The following POLR2B variants were observed in gnomAD, a reference collection of about 807,000 sequenced individuals.
POLR2B encodes the protein DNA-directed RNA polymerase II subunit RPB2.
In POLR2B, 57 loss-of-function variants were observed where a neutral mutation model predicts 144.6. The ratio of observed to expected loss-of-function variants is 0.39; its 90% CI spans 0.32 to 0.49. POLR2B has a LOEUF of 0.49. Ranked by LOEUF, POLR2B falls within the 20% of genes least tolerant of loss-of-function variation. The pLI is 0.83. For synonymous variants in POLR2B, 442 were observed against 469.8 expected (o/e 0.94, Z 0.77); for missense variants, 595 against 1,467.4 (o/e 0.41, Z 9.71).
At chr4:57,010,278 A>G in intron 10 of POLR2B, 83 bp from the exon 11 acceptor site, 3 of 1,160,152 alleles carry the variant, frequency 2.6e-6, no homozygotes, top group South Asian at 2.8e-5. Flanking sequence ...AGTAGATTAT[A>G]TGTAAAAATA....
intron 7 of POLR2B, among the ~76,000 whole-genome samples, chr4:57,003,257 C>A (rs555103972): frequency 6.6e-6 from 1 of 151,224 alleles, no homozygotes; most frequent in African/African-American, 2.4e-5. Context: ...TAGTGAAACC[C>A]TGTGTCTACT....
chr4:56,992,396 C>A (rs915875783), intron 3 of POLR2B, among the ~76,000 whole-genome samples: 1 of 116,030 alleles, frequency 8.6e-6, no homozygotes, highest in Admixed American at 1.3e-4. Context: ...ACGTGGGAGA[C>A]GGAGGTTGCA....
At chr4:57,011,616 A>AGATTGAGACCATCCTGGC (rs1158254172) in intron 13 of POLR2B, among the ~76,000 whole-genome samples, 1 of 152,126 alleles carries the variant, frequency 6.6e-6, no homozygotes, top group Non-Finnish European at 1.5e-5. Flanking sequence ...CAAGGTCAAG[A>AGATTGAGACCATCCTGGC]GATTGAGACC....
rs374386426 is a variant in POLR2B, at chr4:56,994,525, G to T, written c.356+9G>T. 2.0e-6 allele frequency: 3 copies of T among 1,538,272 alleles called. No homozygotes were observed. Among genetic ancestry groups the T allele is most frequent in the Admixed American group, 1.7e-5 (1 of 59,476 alleles). ...AGATTAAGGAATCTCACGTAAGAAA[G>T]AATTTTTCCTTGTCAGCAGTAGATA... is the stretch of plus-strand genomic sequence containing the variant. On this transcript the variant is annotated intron_variant, in intron 4 of 24. Coordinates refer to ENST00000314595, the MANE Select transcript of POLR2B (RefSeq NM_000938.3).
At chr4:56,987,772 C>T (rs1560471133) in intron 2 of POLR2B, among the ~76,000 whole-genome samples, 2 of 152,066 alleles carry the variant, frequency 1.3e-5, no homozygotes, top group South Asian at 2.1e-4. Context: ...ATCCCAGCTA[C>T]TTGGGAGGCT....
chr4:57,023,671 G>A lies in POLR2B; in HGVS notation c.2776G>A (p.Val926Ile). Residue 926 changes from valine to isoleucine, a missense_variant, in exon 20 of 25, where the codon GTT becomes ATT. Val to Ile is a conservative substitution (Grantham distance 29). This residue lies in a region of POLR2B where 65 missense variants were observed against 282.8 expected (regional missense o/e 0.23). Transcript: ENST00000314595. This position sits in a 1 kb window ranked among gnomAD's most constrained non-coding sequence, Gnocchi z 4.3. ...TTTTATATGAATTTAGGTACGCTCT[G>A]TTAGGATTCCACAGATTGGAGACAA... is the stretch of plus-strand genomic sequence containing the variant. ...YKFCKIRVRS[V>I]RIPQIGDKFA... 6.2e-7 allele frequency: 1 copy of A among 1,613,080 alleles called. No homozygotes were observed. Among genetic ancestry groups the A allele is most frequent in the Non-Finnish European group, 8.5e-7 (1 of 1,179,234 alleles).
chr4:56,981,983 G>A (rs535689382), intron 1 of POLR2B, among the ~76,000 whole-genome samples: 3 of 152,160 alleles, frequency 2.0e-5, no homozygotes, highest in Non-Finnish European at 4.4e-5. Flanking sequence ...GCTTTCTAGC[G>A]ACATCACTTT....
At chr4:56,990,711 C>G in intron 2 of POLR2B, 37 bp from the exon 3 acceptor site, 2 of 1,542,402 alleles carry the variant, frequency 1.3e-6, no homozygotes, top group Non-Finnish European at 8.8e-7. Flanking sequence ...GAAATTATCA[C>G]TGAGTTGCAA....
intron 3 of POLR2B, among the ~76,000 whole-genome samples, chr4:56,993,402 A>T (rs944187343): frequency 6.6e-6 from 1 of 152,242 alleles, no homozygotes; most frequent in Non-Finnish European, 1.5e-5. Context: ...AGACTAGATG[A>T]TGGCACAGAT....
Position 56,986,355 on chromosome 4 carries a change from T to TA in POLR2B, c.22dup (p.Met8AsnfsTer4), listed in dbSNP as rs764894651. The TA allele has an allele frequency of 6.2e-7, 1 of 1,600,236 alleles. No homozygotes were observed. On this transcript the variant is annotated frameshift_variant and splice_region_variant, in exon 2 of 25. Coordinates refer to ENST00000314595, the MANE Select transcript of POLR2B (RefSeq NM_000938.3). LOFTEE classifies it high-confidence loss of function. ...AGTACAATATTTTTGTTTTTACAGA[T>TA]ATGCAATATGATGAGGATGATGATG... is the stretch of plus-strand genomic sequence containing the variant.
intron 13 of POLR2B, among the ~76,000 whole-genome samples, chr4:57,013,928 A>G (rs1723281443): frequency 6.6e-6 from 1 of 150,526 alleles, no homozygotes; most frequent in Non-Finnish European, 1.5e-5. Context: ...CCTGGGCAAC[A>G]TATCAAGACC....
At chr4:57,015,463 AT>A in intron 13 of POLR2B, 38 bp from the exon 14 acceptor site, 1 of 1,155,008 alleles carries the variant, frequency 8.7e-7, no homozygotes, top group South Asian at 2.8e-5. Flanking sequence ...TAAAGAGAAA[AT>A]AAAAATTTGT....
intron 2 of POLR2B, among the ~76,000 whole-genome samples, chr4:56,990,315 TC>T (rs922288576): frequency 2.0e-5 from 3 of 152,030 alleles, no homozygotes; most frequent in Non-Finnish European, 4.4e-5. Flanking sequence ...AGCCTCAAAC[TC>T]CTGGGCTCAA....
rs1723546062 is a variant in POLR2B, at chr4:57,021,475, A to G, written c.2420+480A>G. On this transcript the variant is annotated intron_variant, in intron 17 of 24. Coordinates refer to ENST00000314595, the MANE Select transcript of POLR2B (RefSeq NM_000938.3). ...ACTCAGAGGACAGATACTATGGCTT[A>G]ATGTAAAAACTTTTTTTTTTTTTTT... Among the ~76,000 whole-genome samples the G allele has an allele frequency of 2.0e-5, 3 of 146,996 alleles. No homozygotes were observed. The Admixed American group carries it at 2.1e-4, about 10-fold the overall frequency.
intron 8 of POLR2B, 55 bp downstream of exon 8, chr4:57,005,497 G>A (rs763369330): frequency 2.3e-4 from 347 of 1,482,002 alleles, no homozygotes; most frequent in Non-Finnish European, 2.9e-4. Context: ...TGAGATAAAG[G>A]TTTTTCTTAG....
Position 57,021,484 on chromosome 4 carries a change from A to C in POLR2B, c.2420+489A>C, listed in dbSNP as rs1263258196. Among the ~76,000 whole-genome samples the C allele has an allele frequency of 2.9e-5, 3 of 103,676 alleles. 1 individual carries two copies. The highest frequency in any genetic ancestry group is 5.9e-5 in the Non-Finnish European group (3 of 50,884). The allele number at this position is 103,676 out of a possible 152,430, so 68.0% of individuals were successfully genotyped here. On this transcript the variant is annotated intron_variant, in intron 17 of 24. Transcript: ENST00000314595. ...ACAGATACTATGGCTTAATGTAAAAACTTTTTTTTTTTTTTTTTTTTTGAG... is the reference window on the plus strand; with the variant it reads ...ACAGATACTATGGCTTAATGTAAAACCTTTTTTTTTTTTTTTTTTTTTGAG...
intron 22 of POLR2B, 119 bp downstream of exon 22, chr4:57,025,118 A>G: frequency 1.6e-6 from 1 of 633,312 alleles, no homozygotes; most frequent in East Asian, 2.7e-5. Context: ...AGAAATGTAC[A>G]GCTTGATGAA....
intron 10 of POLR2B, among the ~76,000 whole-genome samples, chr4:57,007,889 C>G (rs1340987693): frequency 6.6e-6 from 1 of 152,150 alleles, no homozygotes; most frequent in East Asian, 1.9e-4. Flanking sequence ...TGGCCTATAC[C>G]AGTATCACCT....
chr4:57,024,167 C>A, intron 21 of POLR2B, 55 bp downstream of exon 21: 2 of 917,646 alleles, frequency 2.2e-6, no homozygotes, highest in South Asian at 1.5e-5. Flanking sequence ...TTCTAAAACT[C>A]TGATAGGTGA....
Sources: gnomAD v4.1 joint callset for allele counts (sites outside exome capture counted in the v4.1 genomes callset) on GRCh38, gnomAD v4.1.1 for gene constraint, gnomAD v4.1.1 regional missense constraint, Gnocchi (gnomAD v3.1) non-coding constraint, MANE v1.5 for transcripts, NCBI Gene and HGNC (gene_info 2026-07-23, HGNC 2026-07-21) for gene names.